The following RPUSD4 variants were observed in gnomAD, a reference collection of about 807,000 sequenced individuals.
The protein encoded by RPUSD4 is pseudouridylate synthase RPUSD4, mitochondrial.
A neutral mutation model predicts 35.4 loss-of-function variants in RPUSD4; 37 were observed. That is an observed-to-expected ratio of 1.04 (90% CI 0.80 to 1.37). The LOEUF is 1.37. Ranked by LOEUF, RPUSD4 falls within the 40% of genes most tolerant of loss-of-function variation. RPUSD4 has a pLI of 0.00. For missense variants in RPUSD4, 507 were observed against 484.9 expected (o/e 1.05, Z -0.43); for synonymous variants, 210 against 192.7 (o/e 1.09, Z -0.74).
intron 2 of RPUSD4, among the ~76,000 whole-genome samples, chr11:126,210,345 C>G (rs1394424532): frequency 6.6e-6 from 1 of 152,202 alleles, no homozygotes; most frequent in Admixed American, 6.5e-5. Context: ...GCATTACCTT[C>G]TTCTAGCTAA....
intron 3 of RPUSD4, among the ~76,000 whole-genome samples, chr11:126,207,082 T>C (rs1180090834): frequency 1.3e-5 from 2 of 152,186 alleles, no homozygotes; most frequent in African/African-American, 4.8e-5. Flanking sequence ...GAAAAATAAG[T>C]CTCTATTTTT....
rs949606141 is a variant in RPUSD4, at chr11:126,204,311, G to A, written c.814C>T (p.Arg272Ter). The A allele has an allele frequency of 6.2e-6, 10 of 1,612,306 alleles. No individual in the cohort carries two copies. Among genetic ancestry groups the A allele is most frequent in the Admixed American group, 1.7e-5 (1 of 59,680 alleles). The change falls in exon 6 of 7, where the codon CGA becomes TGA. Residue 272 changes from arginine (R) to a stop codon, truncating the protein, a stop_gained. Coordinates refer to ENST00000298317, the MANE Select transcript of RPUSD4 (RefSeq NM_032795.3). LOFTEE classifies it high-confidence loss of function. ...QPITGIKHQL[R>*]VHLSFGLDCP... ...TCCAATCCAAAAGACAAGTGAACTC[G>A]AAGCTGATGTTTTATTCCTTAAAAG...
chr11:126,211,417 G>A (rs963211510), intron 1 of RPUSD4, 33 bp downstream of exon 1: 2 of 1,579,454 alleles, frequency 1.3e-6, no homozygotes, highest in South Asian at 1.2e-5. Context: ...TGAGCGCACT[G>A]CCTCTAGGGA....
Position 126,203,306 on chromosome 11 carries a change from A to G in RPUSD4, c.*112T>C, listed in dbSNP as rs1332711407. 6.8e-7 allele frequency: 1 copy of G among 1,477,864 alleles called. No homozygotes were observed. The highest frequency in any genetic ancestry group is 9.1e-7 in the Non-Finnish European group (1 of 1,094,596). The allele number at this position is 1,477,864 out of a possible 1,614,324, so 91.5% of individuals were successfully genotyped here. On this transcript the variant is annotated 3_prime_UTR_variant, in exon 7 of 7. Coordinates refer to ENST00000298317, the MANE Select transcript of RPUSD4 (RefSeq NM_032795.3). ...CGCAGTCTGTTCCAAGTGAGAAGTT[A>G]GCAGAGTCCTGTAAACAAAGAACAG...
chr11:126,205,417 C>T, intron 5 of RPUSD4, 51 bp downstream of exon 5: 3 of 1,608,754 alleles, frequency 1.9e-6, no homozygotes, highest in Non-Finnish European at 2.6e-6. Context: ...CTGGACAAAA[C>T]CTGGTGGCAC....
chr11:126,203,575 T>G lies in RPUSD4; in HGVS notation c.977A>C (p.Gln326Pro), dbSNP rs1949736754. 6.2e-7 allele frequency: 1 copy of G among 1,614,216 alleles called. No individual in the cohort carries two copies. The highest frequency in any genetic ancestry group is 8.5e-7 in the Non-Finnish European group (1 of 1,180,040). ...RYIPLHLHAR[Q>P]LILPALGSGK... ...GGACCCCAGGGCAGGCAGGATCAGC[T>G]GCCGGGCGTGCAGGTGAAGGGGGAT... The change falls in exon 7 of 7, where the codon CAG (glutamine) becomes CCG (proline). Residue 326 changes from glutamine to proline, a missense_variant. Transcript: ENST00000298317.
Position 126,211,511 on chromosome 11 carries a change from G to A in RPUSD4, c.128C>T (p.Ala43Val), listed in dbSNP as rs766851348. The A allele has an allele frequency of 3.1e-6, 5 of 1,614,096 alleles. No homozygotes were observed. Among genetic ancestry groups the A allele is most frequent in the Non-Finnish European group, 4.2e-6 (5 of 1,180,054 alleles). ...TCGGAGCTTCTCCGCTAATCTCTGG[G>A]CATTTATGGCCGTAGAGGCAGCGGC... is the stretch of plus-strand genomic sequence containing the variant. The part of the protein sequence containing the change: ...AAAAASTAIN[A>V]QRLAEKLRAQ... The change falls in exon 1 of 7, where the codon GCC becomes GTC. Residue 43 changes from alanine (A) to valine (V), a missense_variant. Transcript: ENST00000298317.
In RPUSD4 at chr11:126,207,023, AATAAC is replaced by A. The variant is rs1949780896; in HGVS notation, c.558-1247_558-1243del. 2.0e-5 allele frequency among the ~76,000 whole-genome samples: 3 copies of A among 152,364 alleles called. No individual in the cohort carries two copies. In the South Asian group the frequency reaches 6.2e-4, roughly 32 times the overall value. On this transcript the variant is annotated intron_variant, in intron 3 of 6. Transcript: ENST00000298317. ...TGAACCTTAATGGACATTTTTCACAAATAACATAACATGTATTTTATAGTCTTAAT... is the reference window on the plus strand; with the variant it reads ...TGAACCTTAATGGACATTTTTCACAAATAACATGTATTTTATAGTCTTAAT...
intron 2 of RPUSD4, among the ~76,000 whole-genome samples, chr11:126,210,241 C>T (rs1949831874): frequency 1.3e-5 from 2 of 151,920 alleles, no homozygotes; most frequent in South Asian, 2.1e-4. Context: ...AAAACTGTTG[C>T]GAAAATAAAG....
chr11:126,209,394 T>G, intron 3 of RPUSD4, 127 bp downstream of exon 3: 1 of 770,262 alleles, frequency 1.3e-6, no homozygotes. Flanking sequence ...TTTCACATAT[T>G]TTTTACAATC....
At position 126,205,549 on chromosome 11, in the gene RPUSD4, T is replaced by G. The variant is rs143494352; in HGVS notation, c.715A>C (p.Asn239His). 1 of 1,614,246 alleles carries G rather than the reference T, an allele frequency of 6.2e-7. No homozygotes were observed. Residue 239 changes from asparagine to histidine, a missense_variant, in exon 5 of 7, where the codon AAT becomes CAT. Coordinates refer to ENST00000298317, the MANE Select transcript of RPUSD4 (RefSeq NM_032795.3). ...GKMVKVRRSR[N>H]AQVAVTQYQV... Reference sequence around the variant, plus strand: ...TACTGAGTTACAGCAACTTGCGCATTCCGGCTGCGCCGCACTTTCACCATT... The same window carrying G: ...TACTGAGTTACAGCAACTTGCGCATGCCGGCTGCGCCGCACTTTCACCATT...
chr11:126,210,116 C>T (rs1949828139), intron 2 of RPUSD4, among the ~76,000 whole-genome samples: 1 of 152,220 alleles, frequency 6.6e-6, no homozygotes, highest in Non-Finnish European at 1.5e-5. Context: ...CTACTCTACT[C>T]TTCTTACTAG....
At position 126,204,224 on chromosome 11, in the gene RPUSD4, G is replaced by C. The variant is rs1249335250; in HGVS notation, c.894+7C>G. 6.3e-7 allele frequency: 1 copy of C among 1,599,994 alleles called. No homozygotes were observed. Among genetic ancestry groups the C allele is most frequent in the Non-Finnish European group, 8.6e-7 (1 of 1,168,396 alleles). On this transcript the variant is annotated splice_region_variant and intron_variant, in intron 6 of 6. Coordinates refer to ENST00000298317, the MANE Select transcript of RPUSD4 (RefSeq NM_032795.3). ...ATCTGCTGCACATTGGGTCAAATTA[G>C]TATTACCTGGGGGGCCAACCTATTC...
chr11:126,204,725 G>C (rs112263455), intron 5 of RPUSD4, among the ~76,000 whole-genome samples: 2 of 152,186 alleles, frequency 1.3e-5, no homozygotes, highest in Non-Finnish European at 2.9e-5. Context: ...TAAATGCCAA[G>C]TCAGTGACAT....
At chr11:126,211,242 A>G (rs1565320035) in intron 1 of RPUSD4, 187 bp from the exon 2 acceptor site, 2 of 895,184 alleles carry the variant, frequency 2.2e-6, no homozygotes, top group Non-Finnish European at 3.4e-6. Flanking sequence ...AGTGGTTAGG[A>G]CTGAGCCTGA....
Position 126,203,639 on chromosome 11 carries a change from G to C in RPUSD4, c.913C>G (p.Leu305Val), listed in dbSNP as rs1949737859. The change falls in exon 7 of 7, where the codon CTG becomes GTG. Residue 305 changes from leucine to valine, a missense_variant. Leu to Val is a conservative substitution (Grantham distance 32). Transcript: ENST00000298317. ...LAPQKLSVGT[L>V]KKLGLEQSKA... ...GACTGTTCTAGCCCCAGCTTCTTCAGGGTGCCCACAGACAGCTTCTATACA... is the reference window on the plus strand; with the variant it reads ...GACTGTTCTAGCCCCAGCTTCTTCACGGTGCCCACAGACAGCTTCTATACA... The C allele has an allele frequency of 6.2e-7, 1 of 1,613,056 alleles. No homozygotes were observed. The highest frequency in any genetic ancestry group is 8.5e-7 in the Non-Finnish European group (1 of 1,179,224).
Position 126,209,504 on chromosome 11 carries a change from A to G in RPUSD4, c.557+17T>C. The G allele has an allele frequency of 6.2e-7, 1 of 1,610,270 alleles. No homozygotes were observed. The highest frequency in any genetic ancestry group is 8.5e-7 in the Non-Finnish European group (1 of 1,176,566). On this transcript the variant is annotated intron_variant, in intron 3 of 6. Coordinates refer to ENST00000298317, the MANE Select transcript of RPUSD4 (RefSeq NM_032795.3). ...CTCCACTTATACCACCTCTACTGCCATCAGCAGGCCTCATACCAGTACTTC... is the reference window on the plus strand; with the variant it reads ...CTCCACTTATACCACCTCTACTGCCGTCAGCAGGCCTCATACCAGTACTTC...
intron 5 of RPUSD4, 58 bp from the exon 6 acceptor site, chr11:126,204,386 C>A: frequency 7.8e-7 from 1 of 1,274,412 alleles, no homozygotes; most frequent in Non-Finnish European, 1.1e-6. Flanking sequence ...AGAAACAATA[C>A]CAGTATTGGC....
chr11:126,205,491 A>G lies in RPUSD4; in HGVS notation c.773T>C (p.Leu258Pro). Residue 258 changes from leucine (L) to proline (P), a missense_variant, in exon 5 of 7, where the codon CTC becomes CCC. Transcript: ENST00000298317. ...ACCAGTGATGGGCTGGAGCTCCACG[A>G]GGGCGGAGGAGAGAGTGCTGCTGAG... ...QVLSSTLSSALVELQPITGIK... is the reference protein window; with the variant it reads ...QVLSSTLSSAPVELQPITGIK... 6.2e-7 allele frequency: 1 copy of G among 1,614,260 alleles called. No homozygotes were observed. Among genetic ancestry groups the G allele is most frequent in the Non-Finnish European group, 8.5e-7 (1 of 1,180,048 alleles).
Sources: allele counts gnomAD v4.1 joint callset (sites outside exome capture counted in the v4.1 genomes callset), GRCh38; gene constraint gnomAD v4.1.1; transcripts MANE v1.5; gene names NCBI Gene and HGNC (gene_info 2026-07-23, HGNC 2026-07-21).